SPRY3: variants seen among roughly 807,000 people sequenced by gnomAD.
SPRY3 encodes the protein sprouty RTK signaling antagonist 3, also known as protein sprouty homolog 3.
A neutral mutation model predicts 20.2 loss-of-function variants in SPRY3; 15 were observed. That is an observed-to-expected ratio of 0.74 (90% CI 0.50 to 1.14). The LOEUF (loss-of-function observed/expected upper bound fraction) is 1.14, where lower values mean the gene tolerates loss of function less well. SPRY3 is among the 50% of genes most tolerant of loss of function. SPRY3 has a pLI of 0.00. For missense variants in SPRY3, 364 were observed against 363.9 expected (o/e 1.00, Z 0.00); for synonymous variants, 143 against 136.5 (o/e 1.05, Z -0.33).
At chrX:155,751,997 AG>A (rs2091266388) in intron 2 of SPRY3, among the ~76,000 whole-genome samples, 1 of 146,934 alleles carries the variant, frequency 6.8e-6, no homozygotes, top group African/African-American at 2.4e-5. Context: ...GGAAAGGAAA[AG>A]GAAAGGAGGG....
At chrX:155,619,335 G>A (rs1012007152) in intron 1 of SPRY3, among the ~76,000 whole-genome samples, 2 of 109,837 alleles carry the variant, frequency 1.8e-5, no homozygotes, top group African/African-American at 6.6e-5. Context: ...AAAGTCAGTT[G>A]GGCAAATTTG....
At chrX:155,730,348 G>A (rs2091125093) in intron 2 of SPRY3, among the ~76,000 whole-genome samples, 2 of 152,100 alleles carry the variant, frequency 1.3e-5, no homozygotes, top group Admixed American at 1.3e-4. Flanking sequence ...ATGACCAAGT[G>A]GGATTTATCC....
chrX:155,740,995 A>G (rs1453263772), intron 2 of SPRY3, among the ~76,000 whole-genome samples: 1 of 152,168 alleles, frequency 6.6e-6, no homozygotes, highest in Non-Finnish European at 1.5e-5. Flanking sequence ...TATGGAAAAT[A>G]GAAAGAACCT....
chrX:155,629,313 A>G (rs1354108126), intron 1 of SPRY3, among the ~76,000 whole-genome samples: 1 of 109,938 alleles, frequency 9.1e-6, no homozygotes, highest in African/African-American at 3.3e-5. Flanking sequence ...AGCTCCATCC[A>G]TGTCGCCACA....
At chrX:155,700,616 C>CTTTTTTTT (rs759851874) in intron 2 of SPRY3, among the ~76,000 whole-genome samples, 8 of 66,028 alleles carry the variant, frequency 1.2e-4, no homozygotes, top group African/African-American at 4.9e-4. Context: ...GAATGAAGTT[C>CTTTTTTTT]TTTTTTTTTT....
Position 155,711,762 on chromosome X carries a change from T to G in SPRY3, c.-282+54737T>G, listed in dbSNP as rs769178446. On this transcript the variant is annotated intron_variant, in intron 2 of 3. Transcript: ENST00000675360. ...TACTAATTTTGGGATCGGTTTGTTC[T>G]TGGCTTTCTAGCTCTTTAAGATGCA... Among the ~76,000 whole-genome samples the G allele has an allele frequency of 2.6e-5, 4 of 151,546 alleles. No individual in the cohort carries two copies. The South Asian group carries it at 8.3e-4, about 32-fold the overall frequency.
At chrX:155,739,171 C>G (rs1016079831) in intron 2 of SPRY3, among the ~76,000 whole-genome samples, 1 of 152,212 alleles carries the variant, frequency 6.6e-6, no homozygotes, top group Non-Finnish European at 1.5e-5. Context: ...AGCACAGCTG[C>G]TGCTGTGCCG....
downstream of SPRY3, chrX:155,778,560 A>G (rs2091443888): frequency 6.0e-6 from 1 of 166,968 alleles, no homozygotes; most frequent in South Asian, 2.1e-4. Context: ...AACTGAGACT[A>G]TTTTTGGAGC....
intron 2 of SPRY3, among the ~76,000 whole-genome samples, chrX:155,678,439 A>G (rs1261497996): frequency 8.9e-6 from 1 of 111,843 alleles, no homozygotes; most frequent in African/African-American, 3.2e-5. Context: ...TGATTCTGTT[A>G]TGTTAATATA....
chrX:155,770,680 C>T lies in SPRY3; in HGVS notation c.-107+2544C>T, dbSNP rs2091375108. Among the ~76,000 whole-genome samples, 4 of 151,294 alleles carry T rather than the reference C, an allele frequency of 2.6e-5. No homozygotes were observed. The South Asian group carries it at 8.4e-4, about 32-fold the overall frequency. On this transcript the variant is annotated intron_variant, in intron 3 of 3. Transcript: ENST00000675360. ...TCATTTGATAGACTATGGAATTGGC[C>T]AACTGCACAGTTTCTTAACTGTTGC...
chrX:155,667,656 A>G (rs1443834588), intron 2 of SPRY3, among the ~76,000 whole-genome samples: 1 of 110,964 alleles, frequency 9.0e-6, no homozygotes, highest in Non-Finnish European at 1.9e-5. Context: ...TTTCATCAAA[A>G]CATACCATTA....
At chrX:155,680,869 T>C (rs968466837) in intron 2 of SPRY3, among the ~76,000 whole-genome samples, 1 of 111,631 alleles carries the variant, frequency 9.0e-6, no homozygotes, top group African/African-American at 3.3e-5. Context: ...TTATGGTGAT[T>C]GTGATCGGTG....
At chrX:155,627,448 A>G (rs145620232) in intron 1 of SPRY3, among the ~76,000 whole-genome samples, 272 of 111,914 alleles carry the variant, frequency 2.4e-3, no homozygotes, top group African/African-American at 8.6e-3. Context: ...TGGTACTGGA[A>G]TAATATTTCA....
rs1557348872 is a variant in SPRY3, at chrX:155,616,134, T to TCTC, written c.-441+3488_-441+3490dup. On this transcript the variant is annotated intron_variant, in intron 1 of 3. Transcript: ENST00000675360. ...TCTCTCTCTCTCTCTCTCTCTCCTC[T>TCTC]CTCTCTCTCTCTCTCTTCTCTCTCT... 6.7e-4 allele frequency among the ~76,000 whole-genome samples: 39 copies of TCTC among 58,453 alleles called. 1 individual carries two copies. The highest frequency in any genetic ancestry group is 1.6e-3 in the Non-Finnish European group (38 of 24,038). 50.8% of individuals were successfully genotyped at this position (58,453 alleles called of 115,157 possible). A position where few individuals can be genotyped will look rare whatever the true frequency, so the allele number is the denominator to read the frequency against.
intron 2 of SPRY3, among the ~76,000 whole-genome samples, chrX:155,661,006 G>A (rs2068008247): frequency 9.0e-6 from 1 of 111,346 alleles, no homozygotes; most frequent in African/African-American, 3.3e-5. Flanking sequence ...TTTAAGTGGA[G>A]CATTTATTCC....
At chrX:155,748,716 A>G (rs1055460851) in intron 2 of SPRY3, among the ~76,000 whole-genome samples, 1 of 151,874 alleles carries the variant, frequency 6.6e-6, no homozygotes, top group African/African-American at 2.4e-5. Context: ...GCTACATGGA[A>G]TCAGAAGACA....
chrX:155,678,061 C>CTTGTGCA (rs1484942079), intron 2 of SPRY3, among the ~76,000 whole-genome samples: 1 of 111,251 alleles, frequency 9.0e-6, no homozygotes, highest in African/African-American at 3.3e-5. Flanking sequence ...TCCACACAAG[C>CTTGTGCA]TTGTGCAGGT....
chrX:155,680,030 G>A lies in SPRY3; in HGVS notation c.-282+23005G>A, dbSNP rs182584986. On this transcript the variant is annotated intron_variant, in intron 2 of 3. Transcript: ENST00000675360. ...AGAAACCAAGAGAGTGTATCAAAAAGTGAAACCACAATGGGAGATATGGGA... is the reference window on the plus strand; with the variant it reads ...AGAAACCAAGAGAGTGTATCAAAAAATGAAACCACAATGGGAGATATGGGA... 2.8e-4 allele frequency among the ~76,000 whole-genome samples: 31 copies of A among 110,251 alleles called. No homozygotes were observed. In the East Asian group the frequency reaches 8.3e-3, roughly 30 times the overall value.
At chrX:155,735,573 C>T (rs2091162967) in intron 2 of SPRY3, among the ~76,000 whole-genome samples, 1 of 151,948 alleles carries the variant, frequency 6.6e-6, no homozygotes. Context: ...CCATTTTTAT[C>T]CCTGAAGATT....
Sources: gnomAD v4.1 joint callset for allele counts (sites outside exome capture counted in the v4.1 genomes callset) on GRCh38, gnomAD v4.1.1 for gene constraint, MANE v1.5 for transcripts, NCBI Gene and HGNC (gene_info 2026-07-23, HGNC 2026-07-21) for gene names.